ESYT2: variants seen among roughly 807,000 people sequenced by gnomAD.
ESYT2 encodes the protein extended synaptotagmin-2.
In ESYT2, 54 loss-of-function variants were observed where a neutral mutation model predicts 107.2. The ratio of observed to expected loss-of-function variants is 0.50; its 90% CI spans 0.40 to 0.63. The LOEUF (loss-of-function observed/expected upper bound fraction) is 0.63, where lower values mean the gene tolerates loss of function less well. Ranked by LOEUF, ESYT2 falls within the 30% of genes least tolerant of loss-of-function variation. The probability of loss-of-function intolerance (pLI) is 0.00; values close to 1 mark genes in which losing one functional copy is unlikely to be tolerated. For synonymous variants in ESYT2, 491 were observed against 434.1 expected (o/e 1.13, Z -1.63); for missense variants, 1,020 against 1,094.5 (o/e 0.93, Z 0.96).
Position 158,769,396 on chromosome 7 carries a change from G to A in ESYT2, c.804-1622C>T, listed in dbSNP as rs533305907. 5.3e-5 allele frequency among the ~76,000 whole-genome samples: 8 copies of A among 152,312 alleles called. No individual in the cohort carries two copies. The East Asian group carries it at 1.4e-3, about 26-fold the overall frequency. Reference sequence around the variant, plus strand: ...CAGACTCCTGGCCTCGGAGGCCACAGCAGCTCTGACGGAGCTCCCTGGCGG... The same window carrying A: ...CAGACTCCTGGCCTCGGAGGCCACAACAGCTCTGACGGAGCTCCCTGGCGG... On this transcript the variant is annotated intron_variant, in intron 7 of 22. Coordinates refer to ENST00000275418, the MANE Select transcript of ESYT2 (RefSeq NM_001367773.1).
chr7:158,792,140 AT>A, intron 4 of ESYT2, among the ~76,000 whole-genome samples: 2 of 127,120 alleles, frequency 1.6e-5, no homozygotes, highest in Non-Finnish European at 3.4e-5. Context: ...TCCTGAATTT[AT>A]TTCTTAGTTC....
chr7:158,754,379 TG>T (rs1473956878), intron 13 of ESYT2, among the ~76,000 whole-genome samples: 1 of 151,482 alleles, frequency 6.6e-6, no homozygotes, highest in African/African-American at 2.4e-5. Flanking sequence ...GCTAATTTTT[TG>T]TATTTTTTTT....
intron 8 of ESYT2, among the ~76,000 whole-genome samples, chr7:158,765,262 G>C (rs1838117050): frequency 6.6e-6 from 1 of 152,204 alleles, no homozygotes; most frequent in Non-Finnish European, 1.5e-5. Flanking sequence ...AGCTGTACTA[G>C]ATCCTGGTGC....
rs3750051 is a variant in ESYT2, at chr7:158,734,189, G to C, written c.*18C>G. 6.2e-7 allele frequency: 1 copy of C among 1,613,454 alleles called. No individual in the cohort carries two copies. Among genetic ancestry groups the C allele is most frequent in the East Asian group, 2.2e-5 (1 of 44,868 alleles). ...GGTGGAGAGCTACGCTGAAGAGGAC[G>C]CCTCCTGCCTGCTGCGGCTATGTCA... On this transcript the variant is annotated 3_prime_UTR_variant, in exon 23 of 23. Coordinates refer to ENST00000275418, the MANE Select transcript of ESYT2 (RefSeq NM_001367773.1).
intron 6 of ESYT2, among the ~76,000 whole-genome samples, chr7:158,787,007 G>A (rs1038590645): frequency 6.6e-6 from 1 of 152,172 alleles, no homozygotes; most frequent in African/African-American, 2.4e-5. Context: ...GGCACAGGGA[G>A]GTAGTGGCGA....
intron 4 of ESYT2, among the ~76,000 whole-genome samples, chr7:158,789,994 G>A (rs1453921749): frequency 2.0e-5 from 3 of 152,142 alleles, no homozygotes; most frequent in African/African-American, 2.4e-5. Context: ...ACAAGGCTCC[G>A]ACCCTCACGA....
At chr7:158,765,956 T>C (rs1838148243) in intron 8 of ESYT2, among the ~76,000 whole-genome samples, 1 of 151,842 alleles carries the variant, frequency 6.6e-6, no homozygotes, top group Non-Finnish European at 1.5e-5. Flanking sequence ...TACCAGCACT[T>C]TGGGAGGCCG....
chr7:158,752,887 C>T (rs766613415), intron 13 of ESYT2, 44 bp from the exon 14 acceptor site: 12 of 1,213,642 alleles, frequency 9.9e-6, no homozygotes, highest in African/African-American at 1.6e-5. Context: ...GTTAATAAAA[C>T]ATGCAATGAA....
intron 1 of ESYT2, among the ~76,000 whole-genome samples, chr7:158,812,913 A>G (rs976726759): frequency 2.0e-5 from 3 of 152,204 alleles, no homozygotes; most frequent in Non-Finnish European, 4.4e-5. Flanking sequence ...TGTGGTTGCC[A>G]TGGGTTGGGG....
chr7:158,782,552 G>A (rs538822537), intron 6 of ESYT2, among the ~76,000 whole-genome samples: 1 of 116,106 alleles, frequency 8.6e-6, no homozygotes, highest in East Asian at 2.3e-4. Context: ...AGTGTGAGAA[G>A]CAGCGGGAAA....
intron 15 of ESYT2, among the ~76,000 whole-genome samples, chr7:158,749,293 A>G (rs1837509549): frequency 6.6e-6 from 1 of 152,016 alleles, no homozygotes; most frequent in South Asian, 2.1e-4. Flanking sequence ...TAAGTTTTGT[A>G]TTTTTAGTAG....
intron 6 of ESYT2, among the ~76,000 whole-genome samples, chr7:158,782,187 GAAC>G (rs1187770448): frequency 2.7e-5 from 4 of 150,904 alleles, no homozygotes; most frequent in South Asian, 2.1e-4. Flanking sequence ...GAGTGTGAAA[GAAC>G]AAGTGAGAAC....
intron 4 of ESYT2, among the ~76,000 whole-genome samples, chr7:158,788,727 G>A (rs3850489): frequency 0.33 from 50,001 of 152,150 alleles, 10,036 homozygotes; most frequent in Non-Finnish European, 0.44. Flanking sequence ...TTCAAAAGAA[G>A]ATGCGAATAA....
At chr7:158,824,784 G>T (rs768798556) in intron 1 of ESYT2, among the ~76,000 whole-genome samples, 28 of 152,142 alleles carry the variant, frequency 1.8e-4, no homozygotes, top group South Asian at 4.1e-4. Flanking sequence ...CCTATGAAGA[G>T]ATAATATTTT....
rs1836982665 is a variant in ESYT2 at position 158,737,040 on chromosome 7, T to C, written c.2399+8A>G. On this transcript the variant is annotated splice_region_variant and intron_variant, in intron 20 of 22. Transcript: ENST00000275418. ...GCAGTCTATCCTCAGCTGGATAAAA[T>C]ACCGTACCTTTGATCAAACACTGGA... The C allele has an allele frequency of 6.2e-7, 1 of 1,612,442 alleles. No homozygotes were observed. Among genetic ancestry groups the C allele is most frequent in the Non-Finnish European group, 8.5e-7 (1 of 1,178,944 alleles).
intron 13 of ESYT2, 66 bp downstream of exon 13, chr7:158,759,420 G>A (rs1267019172): frequency 2.7e-5 from 34 of 1,273,596 alleles, no homozygotes; most frequent in Non-Finnish European, 3.8e-5. Context: ...GCACAAAGCA[G>A]TGGTTATAAG....
chr7:158,747,529 C>G (rs1837446118), intron 16 of ESYT2, among the ~76,000 whole-genome samples: 2 of 152,004 alleles, frequency 1.3e-5, no homozygotes, highest in South Asian at 4.1e-4. Flanking sequence ...CTGAAACCAC[C>G]CGGTAATACT....
chr7:158,785,422 T>C (rs1267972275), intron 6 of ESYT2, among the ~76,000 whole-genome samples: 2 of 131,688 alleles, frequency 1.5e-5, no homozygotes, highest in South Asian at 2.6e-4. Flanking sequence ...TGAAACTCCG[T>C]CTCAAAATAA....
chr7:158,734,477 G>A lies in ESYT2; in HGVS notation c.2506-6C>T. The A allele has an allele frequency of 6.2e-7, 1 of 1,612,860 alleles. No individual in the cohort carries two copies. Among genetic ancestry groups the A allele is most frequent in the Non-Finnish European group, 8.5e-7 (1 of 1,179,454 alleles). ...GATGCCAGAGCAACCAATACCTGTG[G>A]GTTGTTAAAAAAGCAGTTAAAGTAG... On this transcript the variant is annotated splice_region_variant and splice_polypyrimidine_tract_variant and intron_variant, in intron 21 of 22. Coordinates refer to ENST00000275418, the MANE Select transcript of ESYT2 (RefSeq NM_001367773.1).
Sources: gnomAD v4.1 joint callset for allele counts (sites outside exome capture counted in the v4.1 genomes callset) on GRCh38, gnomAD v4.1.1 for gene constraint, MANE v1.5 for transcripts, NCBI Gene and HGNC (gene_info 2026-07-23, HGNC 2026-07-21) for gene names.